Variants in DCDC1 observed in about 807,000 individuals in gnomAD.
The protein encoded by DCDC1 is doublecortin domain containing 1.
DCDC1 carries 200 observed loss-of-function variants against 178.3 expected under a neutral mutation model. The observed-to-expected ratio is 1.12, with a 90% CI of 1.00 to 1.26. The LOEUF (loss-of-function observed/expected upper bound fraction) is 1.26. Ranked by LOEUF, DCDC1 falls within the 50% of genes most tolerant of loss-of-function variation. The pLI is 0.00. For missense variants in DCDC1, 1,983 were observed against 1,749.2 expected (o/e 1.13, Z -2.38); for synonymous variants, 690 against 604.8 (o/e 1.14, Z -2.07).
chr11:31,101,957 G>A (rs1364986294), intron 15 of DCDC1, among the ~76,000 whole-genome samples: 1 of 151,774 alleles, frequency 6.6e-6, no homozygotes, highest in Admixed American at 6.6e-5. Context: ...CGTGCCTGTA[G>A]ACCCAGCTAC....
chr11:30,898,774 A>T (rs893561018), intron 34 of DCDC1, among the ~76,000 whole-genome samples: 1 of 152,204 alleles, frequency 6.6e-6, no homozygotes, highest in Admixed American at 6.5e-5. Flanking sequence ...AGTTAGGACT[A>T]GTTCTGCTAT....
At chr11:30,936,770 G>C (rs1048089266) in intron 21 of DCDC1, among the ~76,000 whole-genome samples, 2 of 152,168 alleles carry the variant, frequency 1.3e-5, no homozygotes, top group African/African-American at 4.8e-5. Flanking sequence ...AAGATGTCTG[G>C]GAACAGACAC....
chr11:30,953,937 T>C (rs1948591713), intron 20 of DCDC1, among the ~76,000 whole-genome samples: 1 of 150,428 alleles, frequency 6.6e-6, no homozygotes, highest in Admixed American at 6.7e-5. Context: ...TTGAGCTAAA[T>C]AGTTAACATT....
intron 20 of DCDC1, among the ~76,000 whole-genome samples, chr11:31,062,159 A>G (rs1955962726): frequency 2.6e-5 from 4 of 152,104 alleles, no homozygotes. Flanking sequence ...GCAGAAGTAA[A>G]CTGTGCCTCT....
intron 3 of DCDC1, among the ~76,000 whole-genome samples, chr11:31,323,529 T>C (rs968421895): frequency 2.0e-5 from 3 of 152,204 alleles, no homozygotes; most frequent in African/African-American, 7.2e-5. Context: ...AAATTATTTA[T>C]TTATAGTGTA....
intron 9 of DCDC1, among the ~76,000 whole-genome samples, chr11:31,138,257 A>C (rs1963402000): frequency 2.0e-5 from 3 of 152,202 alleles, no homozygotes; most frequent in South Asian, 2.1e-4. Flanking sequence ...TTTCATGACA[A>C]AGGATCATGT....
chr11:31,088,816 G>A (rs1401748873), intron 17 of DCDC1, among the ~76,000 whole-genome samples: 2 of 152,012 alleles, frequency 1.3e-5, no homozygotes, highest in African/African-American at 2.4e-5. Flanking sequence ...TCCTGCCTCA[G>A]CCTCCCAAGG....
intron 17 of DCDC1, among the ~76,000 whole-genome samples, chr11:31,081,602 C>T (rs563976796): frequency 1.3e-3 from 201 of 151,566 alleles, no homozygotes; most frequent in African/African-American, 4.6e-3. Flanking sequence ...AAGAGTGAAA[C>T]TCCATCTCAA....
At chr11:30,893,972 T>C (rs1163247799) in intron 35 of DCDC1, among the ~76,000 whole-genome samples, 4 of 152,188 alleles carry the variant, frequency 2.6e-5, no homozygotes, top group Admixed American at 6.5e-5. Flanking sequence ...ATTATTACAA[T>C]TACCTTTGTA....
chr11:31,311,382 T>C (rs1430623176), intron 3 of DCDC1, among the ~76,000 whole-genome samples: 2 of 152,172 alleles, frequency 1.3e-5, no homozygotes, highest in African/African-American at 4.8e-5. Context: ...GGGACTTGCA[T>C]GGCCTGTCTG....
intron 15 of DCDC1, among the ~76,000 whole-genome samples, chr11:31,097,489 A>C (rs1442591581): frequency 1.3e-5 from 2 of 152,230 alleles, no homozygotes; most frequent in Non-Finnish European, 2.9e-5. Flanking sequence ...AGCTAATTAA[A>C]GAAAATGTTA....
chr11:31,093,922 A>G (rs576900020), intron 16 of DCDC1, 128 bp downstream of exon 16: 20 of 663,728 alleles, frequency 3.0e-5, no homozygotes, highest in African/African-American at 2.0e-4. Flanking sequence ...GATGGCATCT[A>G]TAACAGCCAA....
At chr11:31,008,506 C>A (rs1412389667) in intron 20 of DCDC1, among the ~76,000 whole-genome samples, 1 of 152,160 alleles carries the variant, frequency 6.6e-6, no homozygotes, top group Admixed American at 6.5e-5. Context: ...GCCCAGGTTT[C>A]AGAGCTGCTA....
intron 18 of DCDC1, among the ~76,000 whole-genome samples, chr11:31,074,140 T>A (rs1956728987): frequency 6.6e-6 from 1 of 151,744 alleles, no homozygotes; most frequent in Non-Finnish European, 1.5e-5. Context: ...ATGGAAGGTA[T>A]AGAAAGATGC....
In DCDC1 at chr11:31,306,388, C is replaced by A; in HGVS notation, c.435G>T (p.Arg145Ser). 4 of 1,580,050 alleles carry A rather than the reference C, an allele frequency of 2.5e-6. No homozygotes were observed. The highest frequency in any genetic ancestry group is 2.0e-5 in the Admixed American group (1 of 51,242). Residue 145 changes from arginine (R) to serine (S), a missense_variant and splice_region_variant, in exon 5 of 39, where the codon AGG (arginine) becomes AGT (serine). Coordinates refer to ENST00000684477, the MANE Select transcript of DCDC1 (RefSeq NM_001387274.1). ...ATTTTAAAGAAGAGAACTCTGCAAC[C>A]CTGAAGAAAAAGAAAAACAGAAAAA... ...RPVSAPVGQL[R>S]VAEFSSLKFQ...
chr11:30,889,928 A>C (rs1034505371), intron 36 of DCDC1, among the ~76,000 whole-genome samples: 2 of 152,202 alleles, frequency 1.3e-5, no homozygotes, highest in African/African-American at 4.8e-5. Flanking sequence ...TTAAGGAGGT[A>C]ATTAAGGTTA....
chr11:30,954,005 CTTTTT>C (rs5790847), intron 20 of DCDC1, among the ~76,000 whole-genome samples: 1 of 76,504 alleles, frequency 1.3e-5, no homozygotes, highest in African/African-American at 5.4e-5. Flanking sequence ...TACAACAATT[CTTTTT>C]TTTTTTTTTT....
chr11:30,953,391 GTAGTTATT>G (rs1948552304), intron 20 of DCDC1, among the ~76,000 whole-genome samples: 1 of 150,876 alleles, frequency 6.6e-6, no homozygotes, highest in East Asian at 1.9e-4. Flanking sequence ...AATGTGATCA[GTAGTTATT>G]TAGTAAGCAA....
At chr11:31,332,320 C>CA (rs1259751427) in intron 2 of DCDC1, among the ~76,000 whole-genome samples, 1 of 151,972 alleles carries the variant, frequency 6.6e-6, no homozygotes, top group Non-Finnish European at 1.5e-5. Context: ...TTGATGTTTT[C>CA]AAAAAACCAG....
Sources: allele counts gnomAD v4.1 joint callset (sites outside exome capture counted in the v4.1 genomes callset), GRCh38; gene constraint gnomAD v4.1.1; transcripts MANE v1.5; gene names NCBI Gene and HGNC (gene_info 2026-07-23, HGNC 2026-07-21).